The following SHANK2 variants were observed in gnomAD, a reference collection of about 807,000 sequenced individuals.
SHANK2 encodes the protein SH3 and multiple ankyrin repeat domains protein 2.
SHANK2 carries 43 observed loss-of-function variants against 133.7 expected under a neutral mutation model. The ratio of observed to expected loss-of-function variants is 0.32; its 90% CI spans 0.25 to 0.41. The LOEUF (loss-of-function observed/expected upper bound fraction) is 0.41, where lower values mean the gene tolerates loss of function less well. Ranked by LOEUF, SHANK2 falls within the 10% of genes least tolerant of loss-of-function variation. The pLI is 1.00. For missense variants in SHANK2, 1,994 were observed against 2,235.8 expected, an observed-to-expected ratio of 0.89 and a Z score of 2.18; for synonymous variants, 1,017 against 952.8, an observed-to-expected ratio of 1.07 and a Z score of -1.24.
chr11:71,062,704 C>T (rs1290787304), intron 9 of SHANK2, among the ~76,000 whole-genome samples: 1 of 152,040 alleles, frequency 6.6e-6, no homozygotes, highest in Non-Finnish European at 1.5e-5. Flanking sequence ...TCTGAAAATT[C>T]CCTATTATAG....
rs1241279301 is a variant in SHANK2 at position 70,636,614 on chromosome 11, CGAGCATGTGT to C, written c.2061+23204_2061+23213del. Among the ~76,000 whole-genome samples the C allele has an allele frequency of 9.4e-5, 14 of 148,356 alleles. No homozygotes were observed. In the South Asian group the frequency reaches 1.1e-3, roughly 11 times the overall value. ...GTGTGAGTGTATGAGTGTGTGTATG[CGAGCATGTGT>C]GAGCATGTGTGCAAATGTGTGAGCA... is the stretch of plus-strand genomic sequence containing the variant. On this transcript the variant is annotated intron_variant, in intron 17 of 25. Transcript: ENST00000601538.
chr11:70,576,497 C>A (rs1270444418), intron 17 of SHANK2, among the ~76,000 whole-genome samples: 1 of 152,120 alleles, frequency 6.6e-6, no homozygotes, highest in Non-Finnish European at 1.5e-5. Context: ...ATTAGCCAGG[C>A]GTGGTGGTGG....
At chr11:71,154,232 G>T (rs1176460547) in intron 2 of SHANK2, among the ~76,000 whole-genome samples, 1 of 152,228 alleles carries the variant, frequency 6.6e-6, no homozygotes, top group Non-Finnish European at 1.5e-5. Flanking sequence ...TAAACTCGGG[G>T]TCAAACGGCT....
At chr11:70,848,306 C>T (rs550297892) in intron 11 of SHANK2, among the ~76,000 whole-genome samples, 7 of 152,182 alleles carry the variant, frequency 4.6e-5, no homozygotes, top group Non-Finnish European at 7.4e-5. Context: ...AGAATCTGCC[C>T]GTGAGCCGCC....
chr11:70,657,464 T>C (rs979006655), intron 17 of SHANK2, among the ~76,000 whole-genome samples: 1 of 152,170 alleles, frequency 6.6e-6, no homozygotes, highest in Non-Finnish European at 1.5e-5. Context: ...CACAACTCAA[T>C]GGAATTCTCA....
Position 70,487,205 on chromosome 11 carries a change from G to C in SHANK2, c.3088C>G (p.Pro1030Ala). ...EDSPEKTCSI[P>A]IPTIIVKEPS... ...TCCTTCACGATGATGGTCGGGATAG[G>C]GATGGAGCACGTCTTCTCGGGGCTG... is the stretch of plus-strand genomic sequence containing the variant. Residue 1030 changes from proline (P) to alanine (A), a missense_variant, in exon 25 of 26, where the codon CCT (proline) becomes GCT (alanine). Around this residue, in one of 5 missense-constraint regions of SHANK2, gnomAD observed 488 missense variants for 642.6 expected, o/e 0.76. Coordinates refer to ENST00000601538, the MANE Select transcript of SHANK2 (RefSeq NM_012309.5). The surrounding 1 kb of genome is among the most constrained non-coding windows in gnomAD (Gnocchi z 5.8). The C allele has an allele frequency of 6.2e-7, 1 of 1,613,964 alleles. No homozygotes were observed. The highest frequency in any genetic ancestry group is 8.5e-7 in the Non-Finnish European group (1 of 1,180,036).
intron 2 of SHANK2, among the ~76,000 whole-genome samples, chr11:71,171,268 G>A (rs1204469504): frequency 3.9e-5 from 6 of 152,204 alleles, no homozygotes; most frequent in African/African-American, 1.4e-4. Flanking sequence ...CCTGCGACGG[G>A]CTGTCTGCAG....
chr11:71,058,068 T>A (rs1000180720), intron 9 of SHANK2, among the ~76,000 whole-genome samples: 15 of 151,766 alleles, frequency 9.9e-5, no homozygotes, highest in African/African-American at 3.1e-4. Flanking sequence ...CTAATTTTTG[T>A]ATTTTTTTGT....
chr11:71,206,234 G>C (rs868973943), intron 2 of SHANK2, among the ~76,000 whole-genome samples: 2 of 152,174 alleles, frequency 1.3e-5, no homozygotes, highest in Non-Finnish European at 2.9e-5. Context: ...CACACACACA[G>C]AGCGACTCCA....
intron 17 of SHANK2, among the ~76,000 whole-genome samples, chr11:70,652,871 G>A (rs533610376): frequency 6.6e-6 from 1 of 152,286 alleles, no homozygotes; most frequent in East Asian, 1.9e-4. Context: ...GCAGTCCAGT[G>A]CTAAGAGCCC....
chr11:70,629,122 G>A (rs1027648019), intron 17 of SHANK2, among the ~76,000 whole-genome samples: 3 of 152,068 alleles, frequency 2.0e-5, no homozygotes, highest in South Asian at 2.1e-4. Context: ...AACGCGCCCC[G>A]GGCACCCTCC....
chr11:70,935,763 A>G (rs1167472452), intron 10 of SHANK2, among the ~76,000 whole-genome samples: 1 of 152,136 alleles, frequency 6.6e-6, no homozygotes, highest in Admixed American at 6.5e-5. Flanking sequence ...TGAAAGGCCT[A>G]CTCCAAGAGA....
chr11:70,806,203 C>T (rs1555051786), intron 13 of SHANK2, among the ~76,000 whole-genome samples: 3 of 152,208 alleles, frequency 2.0e-5, no homozygotes, highest in African/African-American at 7.2e-5. Context: ...GCAAGGCCCT[C>T]CAATGGCAGG....
chr11:71,113,220 A>T (rs1951918868), intron 5 of SHANK2, 73 bp downstream of exon 5: 1 of 1,349,730 alleles, frequency 7.4e-7, no homozygotes, highest in African/African-American at 1.5e-5. Flanking sequence ...GGAGCGTCTA[A>T]AGATAACACA....
chr11:70,746,295 T>G (rs1203264102), intron 14 of SHANK2, among the ~76,000 whole-genome samples: 3 of 145,544 alleles, frequency 2.1e-5, no homozygotes, highest in African/African-American at 7.7e-5. Context: ...CCCTTCAGGG[T>G]GGGGGATGCG....
At chr11:70,831,592 G>A (rs1555058453) in intron 11 of SHANK2, among the ~76,000 whole-genome samples, 1 of 152,108 alleles carries the variant, frequency 6.6e-6, no homozygotes, top group African/African-American at 2.4e-5. Context: ...GACTCACTAA[G>A]CCCTTTATTT....
chr11:70,815,175 AACACACACACACAC>A (rs61610592), intron 12 of SHANK2, among the ~76,000 whole-genome samples: 6,267 of 119,632 alleles, frequency 0.052, 228 homozygotes, highest in Middle Eastern at 0.085. Flanking sequence ...TGGGAGAAGA[AACACACACACACAC>A]ACACACACAC....
At chr11:70,820,294 C>T (rs1435648413) in intron 12 of SHANK2, 70 bp downstream of exon 12, 2 of 591,352 alleles carry the variant, frequency 3.4e-6, no homozygotes, top group African/African-American at 3.8e-5. Flanking sequence ...TCTGGGCCAC[C>T]CCAAGTTGGA....
intron 2 of SHANK2, among the ~76,000 whole-genome samples, chr11:71,159,463 T>C (rs1397212170): frequency 6.6e-6 from 1 of 152,112 alleles, no homozygotes; most frequent in East Asian, 1.9e-4. Context: ...TCTGCAAAGC[T>C]CCTTTTGCCA....
Sources: allele counts gnomAD v4.1 joint callset (sites outside exome capture counted in the v4.1 genomes callset), GRCh38; gene constraint gnomAD v4.1.1; regional missense constraint gnomAD v4.1.1; non-coding constraint Gnocchi (gnomAD v3.1); transcripts MANE v1.5; gene names NCBI Gene and HGNC (gene_info 2026-07-23, HGNC 2026-07-21).